The following PTPRJ variants were observed in gnomAD, a reference collection of about 807,000 sequenced individuals.
PTPRJ encodes receptor-type tyrosine-protein phosphatase eta.
PTPRJ carries 129 observed loss-of-function variants against 141.3 expected under a neutral mutation model. The ratio of observed to expected loss-of-function variants is 0.91; its 90% CI spans 0.79 to 1.06. The LOEUF (loss-of-function observed/expected upper bound fraction) is 1.06, where lower values mean the gene tolerates loss of function less well. Ranked by LOEUF, PTPRJ falls within the 50% of genes least tolerant of loss-of-function variation. The pLI, the probability that PTPRJ is intolerant of heterozygous loss-of-function variation, is 0.00. For missense variants in PTPRJ, 1,601 were observed against 1,679.7 expected (o/e 0.95, Z 0.82); for synonymous variants, 610 against 640.5 (o/e 0.95, Z 0.72).
intron 10 of PTPRJ, 49 bp from the exon 11 acceptor site, chr11:48,139,437 C>T (rs1857180850): frequency 6.3e-7 from 1 of 1,589,992 alleles, no homozygotes. Flanking sequence ...TCCATGTTTG[C>T]AAAGGCAAAA....
chr11:48,003,581 C>T (rs1374144989), intron 1 of PTPRJ, among the ~76,000 whole-genome samples: 8 of 152,154 alleles, frequency 5.3e-5, no homozygotes, highest in Non-Finnish European at 7.3e-5. Context: ...CTGCAACGTC[C>T]GCCTCCCAGG....
In PTPRJ at chr11:48,137,009, G is replaced by T. The variant is rs1160398497; in HGVS notation, c.1880G>T (p.Ser627Ile). 1.9e-6 allele frequency: 3 copies of T among 1,599,148 alleles called. No individual in the cohort carries two copies. The highest frequency in any genetic ancestry group is 2.6e-6 in the Non-Finnish European group (3 of 1,166,702). Reference protein sequence around the residue: ...PNSTAQYTRPSNVSNIDVSTN... With the variant: ...PNSTAQYTRPINVSNIDVSTN... ...CCTTTTTTTTAAAATCAAGGGCCCAGCAATGTGTCCAACATTGATGTAAGT... is the reference window on the plus strand; with the variant it reads ...CCTTTTTTTTAAAATCAAGGGCCCATCAATGTGTCCAACATTGATGTAAGT... The change falls in exon 10 of 25, where the codon AGC (serine) becomes ATC (isoleucine). Residue 627 changes from serine (S) to isoleucine (I), a missense_variant. By Grantham distance (142) the Ser-to-Ile change is moderately radical. Transcript: ENST00000418331.
At chr11:48,051,726 T>G (rs1352467945) in intron 1 of PTPRJ, among the ~76,000 whole-genome samples, 1 of 152,218 alleles carries the variant, frequency 6.6e-6, no homozygotes, top group Non-Finnish European at 1.5e-5. Context: ...ACAAATTACA[T>G]AAACTTTTTG....
intron 1 of PTPRJ, among the ~76,000 whole-genome samples, chr11:48,104,914 A>T (rs1856246970): frequency 6.6e-6 from 1 of 152,070 alleles, no homozygotes; most frequent in Non-Finnish European, 1.5e-5. Flanking sequence ...GGGCTGTAAG[A>T]TGCTCGGTCA....
chr11:48,000,087 C>G (rs1481503706), intron 1 of PTPRJ, among the ~76,000 whole-genome samples: 33 of 151,174 alleles, frequency 2.2e-4, no homozygotes, highest in Admixed American at 4.0e-4. Context: ...TTGCCCTCCT[C>G]ACCTCAGCTG....
intron 3 of PTPRJ, among the ~76,000 whole-genome samples, chr11:48,114,039 C>G (rs902795381): frequency 6.6e-6 from 1 of 152,152 alleles, no homozygotes; most frequent in Non-Finnish European, 1.5e-5. Context: ...TCATAAAAAA[C>G]ATTGTGATAC....
At chr11:48,043,881 C>T (rs1057410609) in intron 1 of PTPRJ, among the ~76,000 whole-genome samples, 1 of 152,206 alleles carries the variant, frequency 6.6e-6, no homozygotes, top group Non-Finnish European at 1.5e-5. Context: ...AGCCAGCAGC[C>T]AGCGACTCTC....
At position 48,139,484 on chromosome 11, in the gene PTPRJ, A is replaced by G; in HGVS notation, c.2153-2A>G. 1 of 1,612,820 alleles carries G rather than the reference A, an allele frequency of 6.2e-7. No homozygotes were observed. The highest frequency in any genetic ancestry group is 8.5e-7 in the Non-Finnish European group (1 of 1,178,862). On this transcript the variant is annotated splice_acceptor_variant, in intron 10 of 24. Coordinates refer to ENST00000418331, the MANE Select transcript of PTPRJ (RefSeq NM_002843.4). LOFTEE classifies it high-confidence loss of function. Reference sequence around the variant, plus strand: ...TCATGCTGTGCTGTACTTGCTTTGCAGATCCTGCGTCCATGGCCTCCTTCG... The same window carrying G: ...TCATGCTGTGCTGTACTTGCTTTGCGGATCCTGCGTCCATGGCCTCCTTCG...
chr11:48,072,045 A>G (rs1399702159), intron 1 of PTPRJ, among the ~76,000 whole-genome samples: 2 of 150,618 alleles, frequency 1.3e-5, no homozygotes, highest in African/African-American at 4.9e-5. Context: ...ACTTGGGATT[A>G]CAGGCACCTG....
At chr11:48,001,456 C>T (rs1212142059) in intron 1 of PTPRJ, among the ~76,000 whole-genome samples, 1 of 150,430 alleles carries the variant, frequency 6.6e-6, no homozygotes, top group Admixed American at 6.7e-5. Context: ...GAGCACAGAT[C>T]CTTTGATTTG....
intron 1 of PTPRJ, among the ~76,000 whole-genome samples, chr11:48,109,169 G>A: frequency 6.6e-6 from 1 of 152,086 alleles, no homozygotes; most frequent in Non-Finnish European, 1.5e-5. Flanking sequence ...AGACCAGAGG[G>A]GCTAGTGGGC....
intron 1 of PTPRJ, among the ~76,000 whole-genome samples, chr11:48,038,597 ATCT>A (rs755723991): frequency 7.2e-5 from 11 of 151,744 alleles, no homozygotes; most frequent in Non-Finnish European, 1.3e-4. Flanking sequence ...ATTCAAGTGA[ATCT>A]TCTGCCTCAG....
At chr11:48,097,841 A>AT (rs930737173) in intron 1 of PTPRJ, among the ~76,000 whole-genome samples, 10 of 151,530 alleles carry the variant, frequency 6.6e-5, no homozygotes, top group Admixed American at 3.3e-4. Flanking sequence ...CCCGGCCTGA[A>AT]TTTTTTTTTG....
intron 21 of PTPRJ, among the ~76,000 whole-genome samples, chr11:48,159,099 T>C (rs72905510): frequency 2.0e-5 from 1 of 50,096 alleles, no homozygotes; most frequent in Admixed American, 2.5e-4. Flanking sequence ...GTATGTGGGG[T>C]GTGTGTGTGT....
In PTPRJ at chr11:48,121,193, A is replaced by G. The variant is rs746918718; in HGVS notation, c.543A>G (p.Ser181=). 2.1e-5 allele frequency: 34 copies of G among 1,614,012 alleles called. No homozygotes were observed. The highest frequency in any genetic ancestry group is 2.6e-5 in the Non-Finnish European group (31 of 1,179,976). ...CNITGLRPAT[S]YVFSITPGIG... ...TCACAGGCTTACGTCCAGCGACTTC[A>G]TATGTATTCTCCATCACTCCAGGAA... The change falls in exon 4 of 25, where the codon TCA becomes TCG. Residue 181 remains serine (S), a synonymous_variant. Transcript: ENST00000418331.
intron 1 of PTPRJ, among the ~76,000 whole-genome samples, chr11:48,090,468 C>A (rs1855839978): frequency 6.6e-6 from 1 of 152,218 alleles, no homozygotes; most frequent in African/African-American, 2.4e-5. Flanking sequence ...TCGATGTCAT[C>A]TTCTGGTCAG....
At chr11:48,004,299 G>A (rs1565252826) in intron 1 of PTPRJ, among the ~76,000 whole-genome samples, 2 of 152,248 alleles carry the variant, frequency 1.3e-5, no homozygotes, top group South Asian at 2.1e-4. Context: ...CCTCCCCTGC[G>A]TCCTCCCTAC....
At chr11:48,064,678 A>G (rs1010238729) in intron 1 of PTPRJ, among the ~76,000 whole-genome samples, 5 of 152,112 alleles carry the variant, frequency 3.3e-5, no homozygotes, top group Non-Finnish European at 5.9e-5. Context: ...ATCTCAGTTC[A>G]CTGCAACCAC....
intron 1 of PTPRJ, among the ~76,000 whole-genome samples, chr11:48,041,152 G>A (rs1212294236): frequency 6.6e-6 from 1 of 151,714 alleles, no homozygotes; most frequent in Non-Finnish European, 1.5e-5. Context: ...TGTCTCCCTC[G>A]CAACTAGATC....
Sources: allele counts gnomAD v4.1 joint callset (sites outside exome capture counted in the v4.1 genomes callset), GRCh38; gene constraint gnomAD v4.1.1; transcripts MANE v1.5; gene names NCBI Gene and HGNC (gene_info 2026-07-23, HGNC 2026-07-21).